The following ENGASE variants were observed in gnomAD, a reference collection of about 807,000 sequenced individuals.
ENGASE encodes cytosolic endo-beta-N-acetylglucosaminidase.
In ENGASE, 69 loss-of-function variants were observed where a neutral mutation model predicts 78.5. That is an observed-to-expected ratio of 0.88 (90% CI 0.72 to 1.07). The LOEUF is 1.07. Ranked by LOEUF, ENGASE falls within the 50% of genes least tolerant of loss-of-function variation. ENGASE has a pLI of 0.00. For missense variants in ENGASE, 943 were observed against 988.4 expected, an observed-to-expected ratio of 0.95 and a Z score of 0.62; for synonymous variants, 408 against 408.9, an observed-to-expected ratio of 1.00 and a Z score of 0.03.
Position 79,081,998 on chromosome 17 carries a change from G to T in ENGASE, c.973G>T (p.Val325Leu), listed in dbSNP as rs1316623498. The change falls in exon 7 of 14, where the codon GTG (valine) becomes TTG (leucine). Residue 325 changes from valine to leucine, a missense_variant. Coordinates refer to ENST00000579016, the MANE Select transcript of ENGASE (RefSeq NM_001042573.3). ...LGQAGERRAD[V>L]YVGVDVFARG... ...GCAGGCTGGGGAGCGCCGGGCTGATGTGTACGTGGGCGTGGATGTGTTTGC... is the reference window on the plus strand; with the variant it reads ...GCAGGCTGGGGAGCGCCGGGCTGATTTGTACGTGGGCGTGGATGTGTTTGC... 1.2e-6 allele frequency: 2 copies of T among 1,614,222 alleles called. No individual in the cohort carries two copies. The highest frequency in any genetic ancestry group is 2.2e-5 in the South Asian group (2 of 91,090).
rs779399415 is a variant in ENGASE at position 79,074,928 on chromosome 17, C to A, written c.-17C>A. 7 of 1,259,836 alleles carry A rather than the reference C, an allele frequency of 5.6e-6. 1 individual carries two copies. In the Admixed American group the frequency reaches 2.0e-4, roughly 37 times the overall value. 78.0% of individuals were successfully genotyped at this position (1,259,836 alleles called of 1,614,324 possible). On this transcript the variant is annotated 5_prime_UTR_variant, in exon 1 of 14. Transcript: ENST00000579016. ...GCCCGGGCCTGCGATTGCCTCTCGG[C>A]GTGCGCGGACAGTGTCATGGAGGCC...
intron 3 of ENGASE, 61 bp downstream of exon 3, chr17:79,077,925 T>TG: frequency 1.6e-6 from 1 of 620,754 alleles, no homozygotes; most frequent in Non-Finnish European, 2.7e-6. Flanking sequence ...GGGTGGGGGC[T>TG]GGAGGGGCGG....
rs1184738524 is a variant in ENGASE, at chr17:79,077,801, T to C, written c.353T>C (p.Leu118Pro). ...LEPLACRQPP[L>P]SSQRPRTLLC... Reference sequence around the variant, plus strand: ...CCCCTGGCGTGTCGCCAGCCCCCTCTGAGCAGCCAGAGGCCCCGGACTTTG... The same window carrying C: ...CCCCTGGCGTGTCGCCAGCCCCCTCCGAGCAGCCAGAGGCCCCGGACTTTG... Residue 118 changes from leucine to proline, a missense_variant, in exon 3 of 14, where the codon CTG (leucine) becomes CCG (proline). By Grantham distance (98) the Leu-to-Pro change is moderately conservative (BLOSUM62 -3). Transcript: ENST00000579016. 6.2e-7 allele frequency: 1 copy of C among 1,613,960 alleles called. No individual in the cohort carries two copies. Among genetic ancestry groups the C allele is most frequent in the Non-Finnish European group, 8.5e-7 (1 of 1,180,038 alleles).
Position 79,086,250 on chromosome 17 carries a change from T to C in ENGASE, c.2133T>C (p.Arg711=). 2 of 1,613,530 alleles carry C rather than the reference T, an allele frequency of 1.2e-6. No individual in the cohort carries two copies. Among genetic ancestry groups the C allele is most frequent in the Non-Finnish European group, 1.7e-6 (2 of 1,180,026 alleles). The part of the protein sequence containing the change: ...LVEAAGPGQD[R]RMEFLVEPVP... Reference sequence around the variant, plus strand: ...AAGCCGCCGGGCCCGGCCAGGATCGTCGCATGGAATTTCTGGTGGAGCCTG... The same window carrying C: ...AAGCCGCCGGGCCCGGCCAGGATCGCCGCATGGAATTTCTGGTGGAGCCTG... The change falls in exon 14 of 14, where the codon CGT becomes CGC. Residue 711 remains arginine (R), a synonymous_variant. Coordinates refer to ENST00000579016, the MANE Select transcript of ENGASE (RefSeq NM_001042573.3).
At chr17:79,082,264 T>G in intron 7 of ENGASE, 1 of 1,522,632 alleles carries the variant, frequency 6.6e-7, no homozygotes, top group Non-Finnish European at 8.8e-7. Context: ...TTCCCGGCTA[T>G]TTCTACAATC....
Position 79,086,770 on chromosome 17 carries a change from G to T in ENGASE, c.*421G>T. 2.7e-6 allele frequency: 1 copy of T among 365,258 alleles called. No homozygotes were observed. The highest frequency in any genetic ancestry group is 2.0e-5 in the South Asian group (1 of 49,216). 22.6% of individuals were successfully genotyped at this position (365,258 alleles called of 1,614,324 possible). On this transcript the variant is annotated 3_prime_UTR_variant, in exon 14 of 14. Coordinates refer to ENST00000579016, the MANE Select transcript of ENGASE (RefSeq NM_001042573.3). Reference sequence around the variant, plus strand: ...TAGAAAGGGTCTTAGATTGTGGCAGGTAGGCTTTGGAGCAGGCGCCGAGAC... The same window carrying T: ...TAGAAAGGGTCTTAGATTGTGGCAGTTAGGCTTTGGAGCAGGCGCCGAGAC...
chr17:79,084,191 T>TG (rs1476238557), intron 10 of ENGASE: 1 of 556,836 alleles, frequency 1.8e-6, no homozygotes, highest in Admixed American at 3.7e-5. Flanking sequence ...TCCCTAGAAC[T>TG]GTGTCATCTT....
rs116065330 is a variant in ENGASE, at chr17:79,084,792, G to A, written c.1591+106G>A. On this transcript the variant is annotated intron_variant, in intron 11 of 13. Transcript: ENST00000579016. ...TGGGGAGGAGCTGGTGTGGACAGTGGGGGGGTACATCCTGCCTTTGCCGGA... is the reference window on the plus strand; with the variant it reads ...TGGGGAGGAGCTGGTGTGGACAGTGAGGGGGTACATCCTGCCTTTGCCGGA... The A allele has an allele frequency of 7.4e-5, 95 of 1,278,384 alleles. 1 individual carries two copies. Among genetic ancestry groups the A allele is most frequent in the Middle Eastern group, 4.9e-4 (2 of 4,106 alleles). The allele number at this position is 1,278,384 out of a possible 1,614,324, so 79.2% of individuals were successfully genotyped here. A position where few individuals can be genotyped will look rare whatever the true frequency, so the allele number is the denominator to read the frequency against.
In ENGASE at chr17:79,084,671, A is replaced by G. The variant is rs781610228; in HGVS notation, c.1576A>G (p.Ile526Val). 1.2e-6 allele frequency: 2 copies of G among 1,611,870 alleles called. No homozygotes were observed. The highest frequency in any genetic ancestry group is 2.7e-5 in the African/African-American group (2 of 74,922). ...GDAGSCHIGG[I>V]SVLNAETSSR... ...TGCCGGCAGCTGCCACATCGGTGGC[A>G]TCTCAGTGTTGAACGGTGAGGTAAT... Residue 526 changes from isoleucine to valine, a missense_variant, in exon 11 of 14, where the codon ATC becomes GTC. Coordinates refer to ENST00000579016, the MANE Select transcript of ENGASE (RefSeq NM_001042573.3).
At chr17:79,080,887 G>A in intron 5 of ENGASE, 38 bp from the exon 6 acceptor site, 4 of 1,587,988 alleles carry the variant, frequency 2.5e-6, no homozygotes, top group Non-Finnish European at 3.4e-6. Context: ...GATAGATCTG[G>A]GGCTCACTGA....
chr17:79,085,547 T>TG (rs1945262021), intron 12 of ENGASE, 73 bp from the exon 13 acceptor site: 1 of 1,585,754 alleles, frequency 6.3e-7, no homozygotes, highest in South Asian at 1.1e-5. Context: ...TGCTGTGGCT[T>TG]GGGGCCTCTG....
chr17:79,082,412 A>C, intron 7 of ENGASE: 1 of 1,230,676 alleles, frequency 8.1e-7, no homozygotes, highest in Non-Finnish European at 1.0e-6. Flanking sequence ...GGGGACGCAC[A>C]GGGGCCTGCA....
rs11557 is a variant in ENGASE at position 79,088,572 on chromosome 17, G to T, written c.*2223G>T. 53,846 of 152,114 alleles carry T rather than the reference G, an allele frequency of 0.35. 10,163 individuals are homozygous for T. Among genetic ancestry groups the T allele is most frequent in the African/African-American group, 0.48 (19,990 of 41,464 alleles). The allele number at this position is 152,114 out of a possible 1,614,324, so 9.4% of individuals were successfully genotyped here. A position where few individuals can be genotyped will look rare whatever the true frequency, so the allele number is the denominator to read the frequency against. On this transcript the variant is annotated 3_prime_UTR_variant, in exon 14 of 14. Coordinates refer to ENST00000579016, the MANE Select transcript of ENGASE (RefSeq NM_001042573.3). ...GTGCCCCTCTGCTGGGTGTAACTGC[G>T]CTGAAATAAATGATCTGACAATGTG...
At chr17:79,075,659 C>T in intron 1 of ENGASE, 1 of 984,164 alleles carries the variant, frequency 1.0e-6, no homozygotes, top group Non-Finnish European at 1.2e-6. Flanking sequence ...GGCACTTGCC[C>T]ACCCGGTAAA....
Position 79,079,522 on chromosome 17 carries a change from T to C in ENGASE, c.450T>C (p.Tyr150=), listed in dbSNP as rs756932775. ...FIQGSVVQTP[Y]AFYHWQCIDV... ...AGGGCTCGGTGGTGCAGACTCCCTA[T>C]GCTTTCTACCACTGGCAGTGCATCG... Residue 150 remains tyrosine (Y), a synonymous_variant, in exon 4 of 14, where the codon TAT becomes TAC. Coordinates refer to ENST00000579016, the MANE Select transcript of ENGASE (RefSeq NM_001042573.3). 2 of 1,613,944 alleles carry C rather than the reference T, an allele frequency of 1.2e-6. No individual in the cohort carries two copies. The highest frequency in any genetic ancestry group is 4.5e-5 in the East Asian group (2 of 44,876).
At position 79,075,064 on chromosome 17, in the gene ENGASE, G is replaced by T; in HGVS notation, c.120G>T (p.Arg40=). Residue 40 remains arginine (R), a synonymous_variant, in exon 1 of 14, where the codon CGG becomes CGT. Transcript: ENST00000579016. ...TQEEQEDQEP[R]PRRRRPGRSI... Reference sequence around the variant, plus strand: ...AGGAGCAGGAGGATCAGGAGCCGCGGCCGCGGCGGCGGCGGCCGGGAAGGA... The same window carrying T: ...AGGAGCAGGAGGATCAGGAGCCGCGTCCGCGGCGGCGGCGGCCGGGAAGGA... 1 of 1,203,518 alleles carries T rather than the reference G, an allele frequency of 8.3e-7. No individual in the cohort carries two copies. Among genetic ancestry groups the T allele is most frequent in the South Asian group, 4.2e-5 (1 of 23,980 alleles). 74.6% of individuals were successfully genotyped at this position (1,203,518 alleles called of 1,614,324 possible).
Position 79,083,010 on chromosome 17 carries a change from G to C in ENGASE, c.1039-10G>C. The C allele has an allele frequency of 6.2e-7, 1 of 1,613,180 alleles. No individual in the cohort carries two copies. Among genetic ancestry groups the C allele is most frequent in the South Asian group, 1.1e-5 (1 of 90,924 alleles). ...CCTGATGTGCCCAGCGTCTCCCTCT[G>C]TCTCTTCAGTCGTTGGAGCTGATCC... On this transcript the variant is annotated splice_polypyrimidine_tract_variant and intron_variant, in intron 7 of 13. Transcript: ENST00000579016. The surrounding 1 kb of genome is among the most constrained non-coding windows in gnomAD (Gnocchi z 4.9).
intron 6 of ENGASE, among the ~76,000 whole-genome samples, chr17:79,081,492 A>C (rs2073136017): frequency 6.6e-6 from 1 of 151,704 alleles, no homozygotes; most frequent in African/African-American, 2.4e-5. Context: ...ACAGAGCGAG[A>C]CTCTGTCTCA....
chr17:79,077,624 G>A, intron 2 of ENGASE, 39 bp from the exon 3 acceptor site: 3 of 1,609,216 alleles, frequency 1.9e-6, no homozygotes, highest in Non-Finnish European at 2.6e-6. Flanking sequence ...TCCTATAATA[G>A]TTTCCATTAA....
Sources: allele counts gnomAD v4.1 joint callset (sites outside exome capture counted in the v4.1 genomes callset), GRCh38; gene constraint gnomAD v4.1.1; non-coding constraint Gnocchi (gnomAD v3.1); transcripts MANE v1.5; gene names NCBI Gene and HGNC (gene_info 2026-07-23, HGNC 2026-07-21).